Variants in PLD5 observed in about 807,000 individuals in gnomAD.
The protein encoded by PLD5 is inactive phospholipase D5.
In PLD5, 36 loss-of-function variants were observed where a neutral mutation model predicts 61.1. That is an observed-to-expected ratio of 0.59 (90% CI 0.45 to 0.78). PLD5 has a LOEUF of 0.78. Among genes scored for constraint, PLD5 ranks in the 30% least tolerant of loss-of-function variants. The pLI is 0.00. For synonymous variants in PLD5, 243 were observed against 242.8 expected, an observed-to-expected ratio of 1.00 and a Z score of -0.01; for missense variants, 515 against 644.4, an observed-to-expected ratio of 0.80 and a Z score of 2.17.
At chr1:242,323,985 G>C (rs1220733774) in intron 2 of PLD5, among the ~76,000 whole-genome samples, 1 of 151,980 alleles carries the variant, frequency 6.6e-6, no homozygotes, top group East Asian at 1.9e-4. Context: ...AAAAGAGAGA[G>C]TAAGTACATC....
intron 1 of PLD5, among the ~76,000 whole-genome samples, chr1:242,366,595 C>T (rs1571987181): frequency 6.6e-6 from 1 of 152,032 alleles, no homozygotes; most frequent in African/African-American, 2.4e-5. Context: ...TTACCATTAC[C>T]ATTTACTATT....
intron 1 of PLD5, among the ~76,000 whole-genome samples, chr1:242,349,522 A>G (rs1421732096): frequency 1.3e-5 from 2 of 152,168 alleles, no homozygotes; most frequent in Non-Finnish European, 2.9e-5. Context: ...TTTAACTGAC[A>G]TTGTTCATTT....
chr1:242,097,413 T>G (rs58696149), intron 9 of PLD5, among the ~76,000 whole-genome samples: 1,832 of 152,298 alleles, frequency 0.012, 44 homozygotes, highest in African/African-American at 0.04. Context: ...CAGCACCTGT[T>G]GTTTCCTGAC....
intron 1 of PLD5, among the ~76,000 whole-genome samples, chr1:242,448,454 T>C (rs149754817): frequency 5.4e-4 from 82 of 152,360 alleles, no homozygotes; most frequent in Middle Eastern, 3.4e-3. Context: ...TCAACAGTAA[T>C]AGGCTTTATC....
chr1:242,184,658 G>A (rs1415799631), intron 5 of PLD5, among the ~76,000 whole-genome samples: 2 of 152,154 alleles, frequency 1.3e-5, no homozygotes, highest in African/African-American at 2.4e-5. Context: ...GTGAGCTACC[G>A]TGCCCAGCCT....
At chr1:242,201,875 CA>C (rs1219662705) in intron 5 of PLD5, among the ~76,000 whole-genome samples, 1 of 152,024 alleles carries the variant, frequency 6.6e-6, no homozygotes. Flanking sequence ...TGATGGAGGC[CA>C]GATTTTGTGG....
chr1:242,127,910 A>C (rs1237883702), intron 5 of PLD5, among the ~76,000 whole-genome samples: 1 of 152,202 alleles, frequency 6.6e-6, no homozygotes, highest in African/African-American at 2.4e-5. Flanking sequence ...TGAGTCCAAA[A>C]GGCAAATTCA....
chr1:242,138,587 G>A (rs35571513), intron 5 of PLD5, among the ~76,000 whole-genome samples: 36,205 of 152,086 alleles, frequency 0.24, 4,734 homozygotes, highest in East Asian at 0.5. Flanking sequence ...GGTCCAATGC[G>A]GAAATAAAGC....
At chr1:242,421,229 G>C (rs539402967) in intron 1 of PLD5, among the ~76,000 whole-genome samples, 1 of 132,420 alleles carries the variant, frequency 7.6e-6, no homozygotes, top group East Asian at 2.2e-4. Context: ...ATTTTAAGAA[G>C]AATGAGAATA....
chr1:242,178,819 T>C (rs1667338909), intron 5 of PLD5, among the ~76,000 whole-genome samples: 1 of 152,208 alleles, frequency 6.6e-6, no homozygotes, highest in Non-Finnish European at 1.5e-5. Flanking sequence ...GACATAAACA[T>C]GTTATATTTC....
intron 1 of PLD5, among the ~76,000 whole-genome samples, chr1:242,480,209 A>T (rs1176387464): frequency 1.3e-5 from 2 of 152,236 alleles, no homozygotes; most frequent in Non-Finnish European, 2.9e-5. Context: ...AGATCAATAC[A>T]ACTATGGCCA....
intron 3 of PLD5, among the ~76,000 whole-genome samples, chr1:242,267,936 G>A (rs1193168592): frequency 2.0e-5 from 3 of 150,412 alleles, no homozygotes; most frequent in African/African-American, 7.3e-5. Context: ...GTGAGAGAAA[G>A]AGACAGAGGC....
At chr1:242,120,221 A>G (rs2148721549) in intron 6 of PLD5, among the ~76,000 whole-genome samples, 1 of 151,026 alleles carries the variant, frequency 6.6e-6, no homozygotes, top group South Asian at 2.1e-4. Flanking sequence ...TTTGTGGTGA[A>G]AAAAAGTTCT....
chr1:242,529,185 G>A (rs1348517201), upstream of PLD5, among the ~76,000 whole-genome samples: 3 of 152,142 alleles, frequency 2.0e-5, no homozygotes, highest in African/African-American at 2.4e-5. Context: ...GATTGAAAAT[G>A]TTTTCTGAAG....
intron 2 of PLD5, among the ~76,000 whole-genome samples, chr1:242,347,294 T>A (rs1660192918): frequency 6.6e-6 from 1 of 152,218 alleles, no homozygotes; most frequent in African/African-American, 2.4e-5. Flanking sequence ...TGCTTTCCAC[T>A]GGGAAATATA....
chr1:242,123,636 G>C (rs1662555497), intron 6 of PLD5, among the ~76,000 whole-genome samples: 1 of 152,208 alleles, frequency 6.6e-6, no homozygotes, highest in South Asian at 2.1e-4. Context: ...CAGACAGGTG[G>C]AGAACGTGCA....
intron 4 of PLD5, among the ~76,000 whole-genome samples, chr1:242,254,180 G>C (rs1283480376): frequency 6.6e-6 from 1 of 152,142 alleles, no homozygotes; most frequent in African/African-American, 2.4e-5. Flanking sequence ...GGCACTGACA[G>C]GTCAAACACA....
chr1:242,382,589 A>G (rs536580951), intron 1 of PLD5, among the ~76,000 whole-genome samples: 107 of 152,300 alleles, frequency 7.0e-4, no homozygotes, highest in Non-Finnish European at 1.0e-3. Flanking sequence ...CTTGGCTTCA[A>G]GGAGATTGTA....
Position 242,236,890 on chromosome 1 carries a change from C to T in PLD5, c.608-16775G>A, listed in dbSNP as rs779955551. Among the ~76,000 whole-genome samples the T allele has an allele frequency of 1.5e-4, 23 of 152,322 alleles. No homozygotes were observed. The South Asian group carries it at 1.7e-3, about 11-fold the overall frequency. ...ATGTAATCACTGTTTGAACTATCTT[C>T]CAGGTTGAAGCCTGCCAAGGAAGAA... is the stretch of plus-strand genomic sequence containing the variant. On this transcript the variant is annotated intron_variant, in intron 4 of 9. Coordinates refer to ENST00000536534, the MANE Select transcript of PLD5 (RefSeq NM_001372062.1).
Sources: allele counts gnomAD v4.1 joint callset (sites outside exome capture counted in the v4.1 genomes callset), GRCh38; gene constraint gnomAD v4.1.1; transcripts MANE v1.5; gene names NCBI Gene and HGNC (gene_info 2026-07-23, HGNC 2026-07-21).